Variants in RNF44 observed in about 807,000 individuals in gnomAD.
The protein encoded by RNF44 is ring finger protein 44.
Under a neutral mutation model 53.6 loss-of-function variants are expected in RNF44, and 25 were observed. The observed-to-expected ratio is 0.47, with a 90% CI of 0.34 to 0.65. The LOEUF is 0.65. Among genes scored for constraint, RNF44 ranks in the 30% least tolerant of loss-of-function variants. The pLI is 0.01. For missense variants in RNF44, 581 were observed against 595.5 expected, an observed-to-expected ratio of 0.98 and a Z score of 0.25; for synonymous variants, 282 against 252.2, an observed-to-expected ratio of 1.12 and a Z score of -1.12.
chr5:176,529,107 G>A lies in RNF44; in HGVS notation c.1237-17C>T, dbSNP rs372857340. 4.2e-5 allele frequency: 67 copies of A among 1,612,862 alleles called. 2 individuals are homozygous for A. The highest frequency in any genetic ancestry group is 9.9e-5 in the South Asian group (9 of 91,030). On this transcript the variant is annotated splice_polypyrimidine_tract_variant and intron_variant, in intron 10 of 10. Coordinates refer to ENST00000274811, the MANE Select transcript of RNF44 (RefSeq NM_014901.5). Reference sequence around the variant, plus strand: ...CCGGTTGGCCTGTGGGAACATGCACGTCAGGCGTTGCTCTCACCAGCCCCA... The same window carrying A: ...CCGGTTGGCCTGTGGGAACATGCACATCAGGCGTTGCTCTCACCAGCCCCA...
Position 176,530,921 on chromosome 5 carries a change from G to GGGGGGC in RNF44, c.565_566insGCCCCC (p.Ala189delinsGlyProPro). On this transcript the variant is annotated protein_altering_variant, in exon 5 of 11. Coordinates refer to ENST00000274811, the MANE Select transcript of RNF44 (RefSeq NM_014901.5). Reference sequence around the variant, plus strand: ...CATGTGGGTGGGCTGGGGGGGTGGGGCCGGTGGTGGGGGGTGCAGGATGTA... The same window carrying GGGGGGC: ...CATGTGGGTGGGCTGGGGGGGTGGGGGGGGGCCCGGTGGTGGGGGGTGCAGGATGTA... The GGGGGGC allele has an allele frequency of 1.3e-6, 1 of 778,458 alleles. No homozygotes were observed. Among genetic ancestry groups the GGGGGGC allele is most frequent in the Non-Finnish European group, 1.9e-6 (1 of 514,212 alleles). The allele number at this position is 778,458 out of a possible 1,614,324, so 48.2% of individuals were successfully genotyped here.
In RNF44 at chr5:176,531,637, G is replaced by A; in HGVS notation, c.298-7C>T. 1.3e-6 allele frequency: 2 copies of A among 1,598,128 alleles called. No individual in the cohort carries two copies. Among genetic ancestry groups the A allele is most frequent in the Middle Eastern group, 1.7e-4 (1 of 6,000 alleles). On this transcript the variant is annotated splice_region_variant and splice_polypyrimidine_tract_variant and intron_variant, in intron 3 of 10. Coordinates refer to ENST00000274811, the MANE Select transcript of RNF44 (RefSeq NM_014901.5). This position sits in a 1 kb window ranked among gnomAD's most constrained non-coding sequence, Gnocchi z 4.2. ...GGACAGGTCCCTGGTGCACCTGTGGGTGGAGAGAACGCCGGGAAAGTATGA... is the reference window on the plus strand; with the variant it reads ...GGACAGGTCCCTGGTGCACCTGTGGATGGAGAGAACGCCGGGAAAGTATGA...
In RNF44 at chr5:176,528,646, AC is replaced by A. The variant is rs763307725; in HGVS notation, c.*381del. On this transcript the variant is annotated 3_prime_UTR_variant, in exon 11 of 11. Coordinates refer to ENST00000274811, the MANE Select transcript of RNF44 (RefSeq NM_014901.5). ...CCATTTCAGAGCATGAGACCTTCTG[AC>A]CCAGGATGGTGCTCTGTCTGCCCAT... is the stretch of plus-strand genomic sequence containing the variant. 3.8e-6 allele frequency: 1 copy of A among 264,726 alleles called. No homozygotes were observed. Among genetic ancestry groups the A allele is most frequent in the Non-Finnish European group, 7.3e-6 (1 of 137,378 alleles). The allele number at this position is 264,726 out of a possible 1,614,324, so 16.4% of individuals were successfully genotyped here.
At position 176,537,037 on chromosome 5, in the gene RNF44, C is replaced by CT. The variant is rs1489862231; in HGVS notation, c.-143dup. ...GAGGGGGGGGGTGCCTGTCTGGATC[C>CT]TTTAAGAGCTCCCGCCCTGCGGAAC... is the stretch of plus-strand genomic sequence containing the variant. On this transcript the variant is annotated 5_prime_UTR_variant, in exon 1 of 11. Transcript: ENST00000274811. The CT allele has an allele frequency of 6.6e-6, 1 of 152,136 alleles. No homozygotes were observed. Among genetic ancestry groups the CT allele is most frequent in the African/African-American group, 2.4e-5 (1 of 41,394 alleles). The allele number at this position is 152,136 out of a possible 1,614,324, so 9.4% of individuals were successfully genotyped here.
chr5:176,536,877 G>A (rs1482172246), intron 1 of RNF44, 63 bp downstream of exon 1: 2 of 152,190 alleles, frequency 1.3e-5, no homozygotes, highest in East Asian at 1.9e-4. Flanking sequence ...CATTCCCAGG[G>A]GAGGGGAACA....
chr5:176,538,177 G>A (rs113141486), upstream of RNF44, among the ~76,000 whole-genome samples: 1 of 152,236 alleles, frequency 6.6e-6, no homozygotes, highest in Non-Finnish European at 1.5e-5. Flanking sequence ...GCTAGGCTGG[G>A]CTTGAGAGTT....
At chr5:176,533,003 G>A (rs1430989890) in intron 1 of RNF44, among the ~76,000 whole-genome samples, 1 of 152,192 alleles carries the variant, frequency 6.6e-6, no homozygotes, top group Non-Finnish European at 1.5e-5. Flanking sequence ...TCAGCGAGCT[G>A]GCCAGCGTGC....
chr5:176,528,965 G>A lies in RNF44; in HGVS notation c.*63C>T, dbSNP rs548739971. 1.4e-5 allele frequency: 21 copies of A among 1,521,686 alleles called. No homozygotes were observed. In the Admixed American group the frequency reaches 2.6e-4, roughly 19 times the overall value. The allele number at this position is 1,521,686 out of a possible 1,614,324, so 94.3% of individuals were successfully genotyped here. A position where few individuals can be genotyped will look rare whatever the true frequency, so the allele number is the denominator to read the frequency against. ...GGCCACTCCCTCCCCATCCTCCCTG[G>A]GCCCCACCCACAAGTTTCCAGAGCT... is the stretch of plus-strand genomic sequence containing the variant. On this transcript the variant is annotated 3_prime_UTR_variant, in exon 11 of 11. Coordinates refer to ENST00000274811, the MANE Select transcript of RNF44 (RefSeq NM_014901.5).
At chr5:176,542,116 A>G (rs904054647), upstream of RNF44, among the ~76,000 whole-genome samples, 1 of 152,178 alleles carries the variant, frequency 6.6e-6, no homozygotes, top group Non-Finnish European at 1.5e-5. Flanking sequence ...CTCGGGCTCC[A>G]GTTTTGAGAC....
At chr5:176,535,061 A>C (rs1581111929) in intron 1 of RNF44, among the ~76,000 whole-genome samples, 1 of 152,210 alleles carries the variant, frequency 6.6e-6, no homozygotes, top group East Asian at 1.9e-4. Flanking sequence ...GGAGCTGTGA[A>C]AGCAAGCCAG....
In RNF44 at chr5:176,531,343, C is replaced by T. The variant is rs1756638690; in HGVS notation, c.465+120G>A. On this transcript the variant is annotated intron_variant, in intron 4 of 10. Transcript: ENST00000274811. This position sits in a 1 kb window ranked among gnomAD's most constrained non-coding sequence, Gnocchi z 4.2. Reference sequence around the variant, plus strand: ...TTCCTGGGGAGGCCAGGCAGGCGCTCTGACAGCCTGGATGGCTGGATAGCT... The same window carrying T: ...TTCCTGGGGAGGCCAGGCAGGCGCTTTGACAGCCTGGATGGCTGGATAGCT... 1 of 1,008,634 alleles carries T rather than the reference C, an allele frequency of 9.9e-7. No homozygotes were observed. 62.5% of individuals were successfully genotyped at this position (1,008,634 alleles called of 1,614,324 possible).
chr5:176,530,415 G>A lies in RNF44; in HGVS notation c.801+167C>T, dbSNP rs1286292372. 1.1e-4 allele frequency among the ~76,000 whole-genome samples: 13 copies of A among 119,688 alleles called. 1 individual carries two copies. Among genetic ancestry groups the A allele is most frequent in the African/African-American group, 2.7e-4 (9 of 33,914 alleles). The allele number at this position is 119,688 out of a possible 152,430, so 78.5% of individuals were successfully genotyped here. ...GCCTCCCAGCCGCCCCGGAGCCCAG[G>A]TGCAAGTCAGCCCAGCAGGCCTGCC... is the stretch of plus-strand genomic sequence containing the variant. On this transcript the variant is annotated intron_variant, in intron 6 of 10. Transcript: ENST00000274811.
rs771838920 is a variant in RNF44, at chr5:176,531,989, TG to T, written c.297+14del. Reference sequence around the variant, plus strand: ...CTCACAGGGCCAGGGGCACAGGGGATGGGGTTCTGCCTACCTGCTCGTGGAG... The same window carrying T: ...CTCACAGGGCCAGGGGCACAGGGGATGGGTTCTGCCTACCTGCTCGTGGAG... On this transcript the variant is annotated intron_variant, in intron 3 of 10. Transcript: ENST00000274811. The surrounding 1 kb of genome is among the most constrained non-coding windows in gnomAD (Gnocchi z 4.2). The T allele has an allele frequency of 8.1e-6, 13 of 1,602,236 alleles. No homozygotes were observed. In the East Asian group the frequency reaches 1.3e-4, roughly 17 times the overall value.
Position 176,531,920 on chromosome 5 carries a change from G to T in RNF44, c.297+84C>A. On this transcript the variant is annotated intron_variant, in intron 3 of 10. Transcript: ENST00000274811. The surrounding 1 kb of genome is among the most constrained non-coding windows in gnomAD (Gnocchi z 4.2). The stretch of plus-strand genomic sequence containing the variant: ...CTCCCTGGAACGTGAAATGAAGCAA[G>T]CTAGGTGAAATCTAGGCCTTGCTGC... 2.1e-6 allele frequency: 3 copies of T among 1,399,744 alleles called. No homozygotes were observed. Among genetic ancestry groups the T allele is most frequent in the Non-Finnish European group, 2.9e-6 (3 of 1,033,568 alleles). The allele number at this position is 1,399,744 out of a possible 1,614,324, so 86.7% of individuals were successfully genotyped here. A position where few individuals can be genotyped will look rare whatever the true frequency, so the allele number is the denominator to read the frequency against.
chr5:176,536,699 A>G lies in RNF44; in HGVS notation c.-45+241T>C, dbSNP rs1233760531. ...CAAAGGAAGTGGCGGCCGCAGGGGG[A>G]GGGGGGCGGCTCCTTCCTCTCCAAC... On this transcript the variant is annotated intron_variant, in intron 1 of 10. Coordinates refer to ENST00000274811, the MANE Select transcript of RNF44 (RefSeq NM_014901.5). Among the ~76,000 whole-genome samples the G allele has an allele frequency of 1.7e-4, 22 of 126,242 alleles. No individual in the cohort carries two copies. The East Asian group carries it at 4.8e-3, about 28-fold the overall frequency. The allele number at this position is 126,242 out of a possible 152,430, so 82.8% of individuals were successfully genotyped here.
chr5:176,536,780 G>C (rs903612275), intron 1 of RNF44, among the ~76,000 whole-genome samples, 160 bp downstream of exon 1: 4 of 152,018 alleles, frequency 2.6e-5, no homozygotes, highest in Admixed American at 6.6e-5. Context: ...GGGGCCTTGG[G>C]GGGGGTTCCT....
Position 176,531,838 on chromosome 5 carries a change from G to A in RNF44, c.297+166C>T. 1 of 872,610 alleles carries A rather than the reference G, an allele frequency of 1.1e-6. No individual in the cohort carries two copies. Among genetic ancestry groups the A allele is most frequent in the Non-Finnish European group, 1.7e-6 (1 of 576,480 alleles). The allele number at this position is 872,610 out of a possible 1,614,324, so 54.1% of individuals were successfully genotyped here. ...GGAATCTAGCTCTGCTAGTCACCCA[G>A]TGTGGCCCTTTCCCCGGGCCTCAGT... On this transcript the variant is annotated intron_variant, in intron 3 of 10. Transcript: ENST00000274811. The surrounding 1 kb of genome is among the most constrained non-coding windows in gnomAD (Gnocchi z 4.2).
At chr5:176,538,742 C>T (rs10223200), upstream of RNF44, among the ~76,000 whole-genome samples, 207 of 152,264 alleles carry the variant, frequency 1.4e-3, 2 homozygotes, top group African/African-American at 4.7e-3. Context: ...TGGTATATTT[C>T]GTAATCCTAA....
In RNF44 at chr5:176,527,742, G is replaced by C. The variant is rs1306324988; in HGVS notation, c.*1286C>G. 1 of 152,326 alleles carries C rather than the reference G, an allele frequency of 6.6e-6. No individual in the cohort carries two copies. The highest frequency in any genetic ancestry group is 1.5e-5 in the Non-Finnish European group (1 of 68,104). 9.4% of individuals were successfully genotyped at this position (152,326 alleles called of 1,614,324 possible). A position where few individuals can be genotyped will look rare whatever the true frequency, so the allele number is the denominator to read the frequency against. Reference sequence around the variant, plus strand: ...GCAACCCCAGCTGGGTATAGGACAAGAAAGGATTGGGACCAGGGAAAGTGG... The same window carrying C: ...GCAACCCCAGCTGGGTATAGGACAACAAAGGATTGGGACCAGGGAAAGTGG... On this transcript the variant is annotated 3_prime_UTR_variant, in exon 11 of 11. Coordinates refer to ENST00000274811, the MANE Select transcript of RNF44 (RefSeq NM_014901.5).
Sources: allele counts gnomAD v4.1 joint callset (sites outside exome capture counted in the v4.1 genomes callset), GRCh38; gene constraint gnomAD v4.1.1; non-coding constraint Gnocchi (gnomAD v3.1); transcripts MANE v1.5; gene names NCBI Gene and HGNC (gene_info 2026-07-23, HGNC 2026-07-21).